Variants in TMEM117 observed in about 807,000 individuals in gnomAD.
TMEM117 encodes the protein transmembrane protein 117.
Under a neutral mutation model 52.4 loss-of-function variants are expected in TMEM117, and 27 were observed. The observed-to-expected ratio is 0.51, with a 90% CI of 0.38 to 0.71. The LOEUF (loss-of-function observed/expected upper bound fraction) is 0.71. Ranked by LOEUF, TMEM117 falls within the 30% of genes least tolerant of loss-of-function variation. The pLI, the probability that TMEM117 is intolerant of heterozygous loss-of-function variation, is 0.00. For missense variants in TMEM117, 556 were observed against 630.5 expected (o/e 0.88, Z 1.26); for synonymous variants, 215 against 206.3 (o/e 1.04, Z -0.36).
chr12:43,944,549 T>A (rs1281205823), intron 3 of TMEM117, among the ~76,000 whole-genome samples: 1 of 152,174 alleles, frequency 6.6e-6, no homozygotes, highest in Non-Finnish European at 1.5e-5. Flanking sequence ...ATTTAGATTT[T>A]GTTCTTTATC....
the TMEM117 span, among the ~76,000 whole-genome samples, chr12:43,809,306 G>A: frequency 6.6e-6 from 1 of 152,146 alleles, no homozygotes; most frequent in Admixed American, 6.5e-5. Context: ...CACTATTTGC[G>A]TTAGATTTTC....
chr12:44,175,843 A>G (rs991447322), intron 4 of TMEM117, among the ~76,000 whole-genome samples: 13 of 152,210 alleles, frequency 8.5e-5, no homozygotes, highest in African/African-American at 2.7e-4. Flanking sequence ...CAGGTATACA[A>G]AATCCTGGAC....
chr12:44,132,705 G>GT (rs1310472077), intron 3 of TMEM117, among the ~76,000 whole-genome samples: 10 of 152,050 alleles, frequency 6.6e-5, no homozygotes, highest in East Asian at 1.9e-4. Context: ...CTACTCTGCA[G>GT]TTTTTTTTAA....
intron 4 of TMEM117, among the ~76,000 whole-genome samples, chr12:44,154,807 A>T (rs954376170): frequency 1.3e-4 from 20 of 151,298 alleles, no homozygotes; most frequent in Non-Finnish European, 4.4e-5. Flanking sequence ...ATTTTTTTTA[A>T]AAAAAATAAG....
intron 3 of TMEM117, among the ~76,000 whole-genome samples, chr12:44,122,459 A>G (rs1243867523): frequency 2.6e-5 from 4 of 152,152 alleles, no homozygotes; most frequent in Non-Finnish European, 5.9e-5. Context: ...GGTTTATTAC[A>G]TAGGCAAACA....
chr12:44,117,770 T>A (rs370487151), intron 3 of TMEM117, among the ~76,000 whole-genome samples: 1 of 152,146 alleles, frequency 6.6e-6, no homozygotes. Flanking sequence ...GCCATTATTG[T>A]TTGTTTTGCC....
intron 5 of TMEM117, among the ~76,000 whole-genome samples, chr12:44,219,385 C>G (rs1353509510): frequency 1.3e-5 from 2 of 152,106 alleles, no homozygotes. Flanking sequence ...GATAACAACT[C>G]TTTTAAGTCA....
intron 3 of TMEM117, among the ~76,000 whole-genome samples, chr12:43,968,918 G>A (rs1474241348): frequency 1.3e-5 from 2 of 152,136 alleles, no homozygotes; most frequent in Admixed American, 6.5e-5. Flanking sequence ...ACTTCCTTAT[G>A]AGCTTTGTGT....
intron 2 of TMEM117, among the ~76,000 whole-genome samples, chr12:43,906,484 G>A (rs1944390790): frequency 6.6e-6 from 1 of 151,900 alleles, no homozygotes; most frequent in African/African-American, 2.4e-5. Flanking sequence ...AAGAAAGCGG[G>A]GGAGGAGCCA....
intron 6 of TMEM117, among the ~76,000 whole-genome samples, chr12:44,304,822 A>C (rs1196503299): frequency 6.6e-6 from 1 of 152,168 alleles, no homozygotes; most frequent in African/African-American, 2.4e-5. Flanking sequence ...GCTAGGCAGT[A>C]CTCACTGCAG....
intron 5 of TMEM117, among the ~76,000 whole-genome samples, chr12:44,225,537 C>T (rs1014176130): frequency 6.6e-6 from 1 of 152,078 alleles, no homozygotes; most frequent in Admixed American, 6.6e-5. Flanking sequence ...CATATAGAAT[C>T]ATATAATCTG....
At chr12:44,116,434 A>G (rs185723127) in intron 3 of TMEM117, among the ~76,000 whole-genome samples, 2 of 151,014 alleles carry the variant, frequency 1.3e-5, no homozygotes, top group Non-Finnish European at 1.5e-5. Context: ...ATATTTTTGT[A>G]TCTTTCTCTC....
chr12:44,226,749 A>G (rs2138440311), intron 5 of TMEM117, among the ~76,000 whole-genome samples: 1 of 151,992 alleles, frequency 6.6e-6, no homozygotes, highest in South Asian at 2.1e-4. Flanking sequence ...TTATGTGAAG[A>G]CACAGGGCAA....
chr12:43,945,074 G>A (rs1312496890), intron 3 of TMEM117, among the ~76,000 whole-genome samples: 2 of 146,902 alleles, frequency 1.4e-5, no homozygotes, highest in Admixed American at 6.8e-5. Flanking sequence ...TCGTGCCACT[G>A]CACTCTAGCC....
chr12:44,275,771 A>T (rs1350106817), intron 5 of TMEM117, among the ~76,000 whole-genome samples: 1 of 151,460 alleles, frequency 6.6e-6, no homozygotes, highest in Non-Finnish European at 1.5e-5. Flanking sequence ...ATGGACATAG[A>T]GAGTAGAAGG....
chr12:44,195,210 C>T (rs1398570954), intron 4 of TMEM117, among the ~76,000 whole-genome samples: 1 of 152,138 alleles, frequency 6.6e-6, no homozygotes, highest in Non-Finnish European at 1.5e-5. Flanking sequence ...GCTCATTCAG[C>T]TTGTTGGCAG....
intron 3 of TMEM117, among the ~76,000 whole-genome samples, chr12:44,088,093 G>A (rs1454107736): frequency 6.6e-6 from 1 of 152,148 alleles, no homozygotes; most frequent in Admixed American, 6.5e-5. Flanking sequence ...ACACTTCACT[G>A]TAGCTTTAGA....
intron 5 of TMEM117, among the ~76,000 whole-genome samples, chr12:44,230,361 C>G (rs115725508): frequency 0.011 from 1,604 of 152,064 alleles, 11 homozygotes; most frequent in African/African-American, 0.018. Context: ...CCCTCCACCT[C>G]TCTCTCTCTG....
chr12:44,317,700 T>C (rs1253331670), intron 6 of TMEM117, among the ~76,000 whole-genome samples: 1 of 152,198 alleles, frequency 6.6e-6, no homozygotes, highest in Admixed American at 6.5e-5. Context: ...GGTTTTATGT[T>C]GGACTGTGTG....
Sources: allele counts gnomAD v4.1 joint callset (sites outside exome capture counted in the v4.1 genomes callset), GRCh38; gene constraint gnomAD v4.1.1; transcripts MANE v1.5; gene names NCBI Gene and HGNC (gene_info 2026-07-23, HGNC 2026-07-21).